APLP2: variants seen among roughly 807,000 people sequenced by gnomAD.
APLP2 encodes amyloid beta precursor like protein 2, also known as CDEI box-binding protein.
In APLP2, 53 loss-of-function variants were observed where a neutral mutation model predicts 89.9. The ratio of observed to expected loss-of-function variants is 0.59; its 90% CI spans 0.47 to 0.74. The LOEUF is 0.74. Among genes scored for constraint, APLP2 ranks in the 30% least tolerant of loss-of-function variants. The pLI is 0.00. For synonymous variants in APLP2, 372 were observed against 348.6 expected (o/e 1.07, Z -0.75); for missense variants, 973 against 975.9 (o/e 1.00, Z 0.04).
chr11:130,111,027 CA>C (rs1404886795), intron 3 of APLP2, among the ~76,000 whole-genome samples: 2 of 152,166 alleles, frequency 1.3e-5, no homozygotes, highest in African/African-American at 4.8e-5. Context: ...CCCTTACTTT[CA>C]TCCCACACAC....
At chr11:130,089,974 G>T (rs1944663830) in intron 1 of APLP2, among the ~76,000 whole-genome samples, 2 of 152,182 alleles carry the variant, frequency 1.3e-5, no homozygotes, top group African/African-American at 4.8e-5. Context: ...GGTATTTGGG[G>T]CTAGGATTTC....
In APLP2 at chr11:130,141,614, T is replaced by C; in HGVS notation, c.1998+42T>C. ...AGAACCTAAGGTTTCCTGCCAATCTTAGGTATTTCTCCTCTGGACCTTCTC... is the reference window on the plus strand; with the variant it reads ...AGAACCTAAGGTTTCCTGCCAATCTCAGGTATTTCTCCTCTGGACCTTCTC... On this transcript the variant is annotated intron_variant, in intron 15 of 16. Transcript: ENST00000338167. The surrounding 1 kb of genome is among the most constrained non-coding windows in gnomAD (Gnocchi z 4.2). 7 of 1,559,570 alleles carry C rather than the reference T, an allele frequency of 4.5e-6. No individual in the cohort carries two copies. Among genetic ancestry groups the C allele is most frequent in the Non-Finnish European group, 6.2e-6 (7 of 1,131,090 alleles).
chr11:130,084,869 GAA>G (rs2135455060), intron 1 of APLP2, among the ~76,000 whole-genome samples: 1 of 152,108 alleles, frequency 6.6e-6, no homozygotes, highest in South Asian at 2.1e-4. Context: ...AAAAATCAAA[GAA>G]AGAGTTGGGT....
At chr11:130,107,552 A>G (rs1159602789) in intron 1 of APLP2, among the ~76,000 whole-genome samples, 15 of 152,220 alleles carry the variant, frequency 9.9e-5, no homozygotes, top group Admixed American at 8.5e-4. Context: ...CCACTGCTCA[A>G]TGAAATAAAA....
chr11:130,089,164 C>T lies in APLP2; in HGVS notation c.105+19082C>T, dbSNP rs189489081. On this transcript the variant is annotated intron_variant, in intron 1 of 16. Transcript: ENST00000338167. ...CAATCCTTCCTTCATGTCCCCTGTC[C>T]AAGTATTTCTCATCTGTCACTTTCC... 3.1e-3 allele frequency among the ~76,000 whole-genome samples: 477 copies of T among 152,246 alleles called. 1 individual carries two copies. The highest frequency in any genetic ancestry group is 5.5e-3 in the Non-Finnish European group (377 of 68,016).
chr11:130,077,242 A>AT (rs1366250759), intron 1 of APLP2, among the ~76,000 whole-genome samples: 1 of 152,252 alleles, frequency 6.6e-6, no homozygotes, highest in Non-Finnish European at 1.5e-5. Flanking sequence ...TAATGCTATC[A>AT]TTTTAAAGGG....
chr11:130,126,675 A>G (rs1239591793), intron 7 of APLP2, 25 bp from the exon 8 acceptor site: 1 of 1,612,078 alleles, frequency 6.2e-7, no homozygotes, highest in African/African-American at 1.3e-5. Flanking sequence ...TCCCAAAGAG[A>G]ACTCCCTCTG....
At chr11:130,128,107 A>G (rs917760695) in intron 9 of APLP2, among the ~76,000 whole-genome samples, 1 of 152,236 alleles carries the variant, frequency 6.6e-6, no homozygotes, top group Non-Finnish European at 1.5e-5. Context: ...CTTTCCTGGC[A>G]AAAGTCCTCT....
At chr11:130,102,233 G>C (rs191325589) in intron 1 of APLP2, among the ~76,000 whole-genome samples, 5 of 152,066 alleles carry the variant, frequency 3.3e-5, no homozygotes, top group Non-Finnish European at 7.4e-5. Flanking sequence ...TAGGATTTTC[G>C]TATCTTTTAA....
At chr11:130,137,280 C>G in intron 13 of APLP2, 2 of 1,614,022 alleles carry the variant, frequency 1.2e-6, no homozygotes, top group Non-Finnish European at 8.5e-7. Context: ...TTGTACCACC[C>G]AATGAAAAAA....
At chr11:130,143,120 G>C (rs528515163) in intron 16 of APLP2, among the ~76,000 whole-genome samples, 2 of 152,304 alleles carry the variant, frequency 1.3e-5, no homozygotes, top group African/African-American at 4.8e-5. Context: ...TCTTCCGTGA[G>C]GGCTAAGCTT....
At chr11:130,121,871 A>G in intron 5 of APLP2, 61 bp downstream of exon 5, 1 of 1,568,374 alleles carries the variant, frequency 6.4e-7, no homozygotes. Context: ...TTCTGTAAAG[A>G]CGGCTGTTGG....
At chr11:130,119,459 T>C (rs1185931784) in intron 3 of APLP2, among the ~76,000 whole-genome samples, 1 of 152,190 alleles carries the variant, frequency 6.6e-6, no homozygotes, top group Non-Finnish European at 1.5e-5. Flanking sequence ...GATGATACCG[T>C]TCACCCTCAC....
rs1591775257 is a variant in APLP2, at chr11:130,089,861, A to G, written c.106-19568A>G. ...GTCTGTTCACATTTCGCCTTCTCAGAAGGACACCAGTCATATTGGATTAAG... is the reference window on the plus strand; with the variant it reads ...GTCTGTTCACATTTCGCCTTCTCAGGAGGACACCAGTCATATTGGATTAAG... On this transcript the variant is annotated intron_variant, in intron 1 of 16. Coordinates refer to ENST00000338167, the MANE Select transcript of APLP2 (RefSeq NM_001142276.2). Among the ~76,000 whole-genome samples the G allele has an allele frequency of 5.3e-5, 8 of 152,334 alleles. No homozygotes were observed. In the South Asian group the frequency reaches 1.4e-3, roughly 28 times the overall value.
intron 3 of APLP2, among the ~76,000 whole-genome samples, chr11:130,113,311 G>A (rs779840300): frequency 1.2e-4 from 19 of 152,170 alleles, no homozygotes; most frequent in African/African-American, 4.3e-4. Flanking sequence ...AAATTTGTTA[G>A]CATGTTACAG....
chr11:130,118,048 G>C (rs1303533498), intron 3 of APLP2, among the ~76,000 whole-genome samples: 1 of 148,644 alleles, frequency 6.7e-6, no homozygotes, highest in Non-Finnish European at 1.5e-5. Flanking sequence ...CTGCACTCCA[G>C]CCTGGGCAGC....
chr11:130,120,930 T>C, intron 4 of APLP2, 112 bp downstream of exon 4: 1 of 747,440 alleles, frequency 1.3e-6, no homozygotes, highest in South Asian at 1.5e-5. Flanking sequence ...CCCCATTATC[T>C]CCTTAAGGTT....
chr11:130,093,543 TAGA>T (rs1266125410), intron 1 of APLP2, among the ~76,000 whole-genome samples: 1 of 152,062 alleles, frequency 6.6e-6, no homozygotes, highest in African/African-American at 2.4e-5. Context: ...AAAAGATAAG[TAGA>T]AGGTCAATCT....
At chr11:130,084,952 A>G (rs1180769781) in intron 1 of APLP2, among the ~76,000 whole-genome samples, 1 of 152,228 alleles carries the variant, frequency 6.6e-6, no homozygotes, top group Non-Finnish European at 1.5e-5. Flanking sequence ...AAAATCAGAT[A>G]TGAAAGAGGA....
Sources: allele counts gnomAD v4.1 joint callset (sites outside exome capture counted in the v4.1 genomes callset), GRCh38; gene constraint gnomAD v4.1.1; non-coding constraint Gnocchi (gnomAD v3.1); transcripts MANE v1.5; gene names NCBI Gene and HGNC (gene_info 2026-07-23, HGNC 2026-07-21).